Variants in PPP1R37 observed in about 807,000 individuals in gnomAD.
The protein encoded by PPP1R37 is protein phosphatase 1 regulatory subunit 37.
A neutral mutation model predicts 61.0 loss-of-function variants in PPP1R37; 21 were observed. The observed-to-expected ratio is 0.34, with a 90% confidence interval of 0.24 to 0.50. The LOEUF (loss-of-function observed/expected upper bound fraction) is 0.50. Ranked by LOEUF, PPP1R37 falls within the 20% of genes least tolerant of loss-of-function variation. The probability of loss-of-function intolerance (pLI) is 0.98; values close to 1 mark genes in which losing one functional copy is unlikely to be tolerated. For synonymous variants in PPP1R37, 443 were observed against 433.5 expected (o/e 1.02, Z -0.27); for missense variants, 910 against 952.7 (o/e 0.96, Z 0.59).
In PPP1R37 at chr19:45,121,434, G is replaced by A. The variant is rs900824383; in HGVS notation, c.203-17080G>A. On this transcript the variant is annotated intron_variant, in intron 1 of 12. Coordinates refer to ENST00000221462, the MANE Select transcript of PPP1R37 (RefSeq NM_019121.2). The surrounding 1 kb of genome is among the most constrained non-coding windows in gnomAD (Gnocchi z 4.2). ...TTTGTAGCAAGGGAATGTGTGGGGA[G>A]GATGTCACCAGGCAGGAGGACAGCT... Among the ~76,000 whole-genome samples the A allele has an allele frequency of 3.0e-4, 45 of 152,264 alleles. No individual in the cohort carries two copies. The highest frequency in any genetic ancestry group is 1.0e-3 in the African/African-American group (42 of 41,476).
chr19:45,143,909 C>G (rs1968647985), intron 8 of PPP1R37: 1 of 239,018 alleles, frequency 4.2e-6, no homozygotes. Context: ...AGGCTCACTG[C>G]AGCCACTCCA....
Position 45,145,142 on chromosome 19 carries a change from G to A in PPP1R37, c.1178G>A (p.Arg393Lys), listed in dbSNP as rs1318084549. 7.2e-6 allele frequency: 11 copies of A among 1,534,948 alleles called. No individual in the cohort carries two copies. The South Asian group carries it at 1.1e-4, about 15-fold the overall frequency. The change falls in exon 10 of 13, where the codon AGA (arginine) becomes AAA (lysine). Residue 393 changes from arginine (R) to lysine (K), a missense_variant. Physicochemically the swap from Arg to Lys is conservative, Grantham distance 26. Coordinates refer to ENST00000221462, the MANE Select transcript of PPP1R37 (RefSeq NM_019121.2). ...EFIAESPRLL[R>K]LDLRENEIKT... is the part of the protein sequence containing the mutation. ...ATCGCTGAGAGCCCCCGCCTCCTGA[G>A]ACTGGACCTTCGGGAGAACGAGATC...
chr19:45,128,633 C>G (rs1388787296), intron 1 of PPP1R37: 1 of 1,256,312 alleles, frequency 8.0e-7, no homozygotes, highest in African/African-American at 1.5e-5. Context: ...CAATGCAGTG[C>G]TCAGCATTAT....
intron 1 of PPP1R37, among the ~76,000 whole-genome samples, chr19:45,099,747 G>A (rs1275105974): frequency 6.6e-6 from 1 of 152,258 alleles, no homozygotes; most frequent in Admixed American, 6.5e-5. Context: ...CTCGGGCACG[G>A]GACACATGTC....
intron 1 of PPP1R37, among the ~76,000 whole-genome samples, chr19:45,136,652 C>G (rs1968542291): frequency 6.6e-6 from 1 of 152,196 alleles, no homozygotes; most frequent in Non-Finnish European, 1.5e-5. Flanking sequence ...CCTCCCAGGC[C>G]TCCACCCCCA....
intron 1 of PPP1R37, among the ~76,000 whole-genome samples, chr19:45,094,152 T>C (rs1397130713): frequency 1.3e-5 from 2 of 152,184 alleles, no homozygotes; most frequent in Admixed American, 6.5e-5. Flanking sequence ...GTGGTTTTTA[T>C]GTTTTCTTTT....
Position 45,130,218 on chromosome 19 carries a change from A to T in PPP1R37, c.203-8296A>T. Among the ~76,000 whole-genome samples the T allele has an allele frequency of 6.6e-6, 1 of 152,136 alleles. No individual in the cohort carries two copies. The highest frequency in any genetic ancestry group is 1.5e-5 in the Non-Finnish European group (1 of 67,972). On this transcript the variant is annotated intron_variant, in intron 1 of 12. Coordinates refer to ENST00000221462, the MANE Select transcript of PPP1R37 (RefSeq NM_019121.2). This position sits in a 1 kb window ranked among gnomAD's most constrained non-coding sequence, Gnocchi z 4.4. ...ATGGCAATCTGGTGTGCCATTCCTG[A>T]CTGCCAACCTGCACGATCAGGTCCC... is the stretch of plus-strand genomic sequence containing the variant.
At chr19:45,146,198 C>A in intron 11 of PPP1R37, 149 bp downstream of exon 11, 1 of 992,760 alleles carries the variant, frequency 1.0e-6, no homozygotes, top group Non-Finnish European at 1.4e-6. Flanking sequence ...CTCATCTCCA[C>A]CCTGCTTCCC....
At chr19:45,102,686 G>C (rs1016042235) in intron 1 of PPP1R37, among the ~76,000 whole-genome samples, 9 of 152,220 alleles carry the variant, frequency 5.9e-5, no homozygotes, top group African/African-American at 1.9e-4. Context: ...CAAGTCCCTT[G>C]ACCTCCCTGG....
At chr19:45,144,699 G>A in intron 8 of PPP1R37, 155 bp from the exon 9 acceptor site, 1 of 636,464 alleles carries the variant, frequency 1.6e-6, no homozygotes, top group Non-Finnish European at 2.6e-6. Flanking sequence ...GGCCAGGCCT[G>A]CGGCAGGGCA....
At chr19:45,133,397 C>T (rs2122744222) in intron 1 of PPP1R37, among the ~76,000 whole-genome samples, 2 of 152,302 alleles carry the variant, frequency 1.3e-5, no homozygotes, top group South Asian at 4.1e-4. Flanking sequence ...AATTCACGTT[C>T]TTAACCATAT....
Position 45,145,274 on chromosome 19 carries a change from G to A in PPP1R37, c.1296+14G>A. ...AAGAAAGAGGCGGTGAGCAGGGGAC[G>A]GTCCTGCAGCCCTGGGGCGGGCGGA... On this transcript the variant is annotated intron_variant, in intron 10 of 12. Transcript: ENST00000221462. The A allele has an allele frequency of 2.0e-6, 3 of 1,527,554 alleles. No homozygotes were observed. Among genetic ancestry groups the A allele is most frequent in the South Asian group, 1.2e-5 (1 of 83,020 alleles). 94.6% of individuals were successfully genotyped at this position (1,527,554 alleles called of 1,614,324 possible).
intron 7 of PPP1R37, 55 bp from the exon 8 acceptor site, chr19:45,143,466 C>T (rs1460781424): frequency 2.7e-6 from 3 of 1,108,862 alleles, no homozygotes; most frequent in Admixed American, 2.0e-5. Context: ...CTGCAGTCCC[C>T]TCCCCAGGAA....
chr19:45,124,673 T>G (rs867559062), intron 1 of PPP1R37, among the ~76,000 whole-genome samples: 3 of 151,974 alleles, frequency 2.0e-5, no homozygotes, highest in Middle Eastern at 6.8e-3. Context: ...CTGAGTAGGT[T>G]TTGGGGACTG....
chr19:45,142,025 A>T, intron 5 of PPP1R37, 36 bp from the exon 6 acceptor site: 1 of 1,470,336 alleles, frequency 6.8e-7, no homozygotes, highest in Non-Finnish European at 9.0e-7. Context: ...GGCAGGCCTG[A>T]GCCAGTGCCT....
intron 1 of PPP1R37, among the ~76,000 whole-genome samples, chr19:45,095,174 G>GA (rs1324069415): frequency 6.6e-6 from 1 of 152,190 alleles, no homozygotes; most frequent in Non-Finnish European, 1.5e-5. Flanking sequence ...AGTCCATCAT[G>GA]AATGACAGTT....
At chr19:45,110,208 T>C (rs1968183618) in intron 1 of PPP1R37, among the ~76,000 whole-genome samples, 1 of 151,516 alleles carries the variant, frequency 6.6e-6, no homozygotes, top group Non-Finnish European at 1.5e-5. Flanking sequence ...CTAGATCTCC[T>C]GGGCCCAGGT....
At chr19:45,128,838 T>C (rs16979688) in intron 1 of PPP1R37, 7,931 of 619,978 alleles carry the variant, frequency 0.013, 431 homozygotes, top group African/African-American at 0.12. Context: ...TGACTCCCAG[T>C]TGATTGGCAT....
intron 7 of PPP1R37, chr19:45,142,919 G>A (rs1968632994): frequency 5.5e-6 from 1 of 181,382 alleles, no homozygotes; most frequent in African/African-American, 2.4e-5. Context: ...GACCGCGGGA[G>A]CAGTGAGTGC....
Sources: gnomAD v4.1 joint callset for allele counts (sites outside exome capture counted in the v4.1 genomes callset) on GRCh38, gnomAD v4.1.1 for gene constraint, Gnocchi (gnomAD v3.1) non-coding constraint, MANE v1.5 for transcripts, NCBI Gene and HGNC (gene_info 2026-07-23, HGNC 2026-07-21) for gene names.